The following PTPRD variants were observed in gnomAD, a reference collection of about 807,000 sequenced individuals.
The protein encoded by PTPRD is receptor-type tyrosine-protein phosphatase delta.
A neutral mutation model predicts 214.5 loss-of-function variants in PTPRD; 34 were observed. The observed-to-expected ratio is 0.16, with a 90% CI of 0.12 to 0.21. The LOEUF (loss-of-function observed/expected upper bound fraction) is 0.21, where lower values mean the gene tolerates loss of function less well. Ranked by LOEUF, PTPRD falls within the 10% of genes least tolerant of loss-of-function variation. The pLI is 1.00. For missense variants in PTPRD, 2,545 were observed against 2,398.7 expected (o/e 1.06, Z -1.27); for synonymous variants, 1,128 against 845.7 (o/e 1.33, Z -5.79).
intron 2 of PTPRD, among the ~76,000 whole-genome samples, chr9:10,520,534 G>A (rs1259676236): frequency 6.6e-6 from 1 of 152,150 alleles, no homozygotes; most frequent in Non-Finnish European, 1.5e-5. Flanking sequence ...GATACTTAAT[G>A]GAATTGGCTA....
At chr9:9,499,329 G>T (rs2096319331) in intron 8 of PTPRD, among the ~76,000 whole-genome samples, 1 of 152,058 alleles carries the variant, frequency 6.6e-6, no homozygotes. Flanking sequence ...GAAAGATCAT[G>T]AATTCTGACT....
intron 9 of PTPRD, among the ~76,000 whole-genome samples, chr9:9,313,539 ACTT>A (rs1219271282): frequency 6.6e-6 from 1 of 152,136 alleles, no homozygotes; most frequent in Non-Finnish European, 1.5e-5. Context: ...GCCTCTGTTT[ACTT>A]CTTCTTATAC....
intron 36 of PTPRD, among the ~76,000 whole-genome samples, chr9:8,396,591 T>C (rs2091236862): frequency 6.6e-6 from 1 of 152,190 alleles, no homozygotes; most frequent in Non-Finnish European, 1.5e-5. Flanking sequence ...TTTCTGATTT[T>C]ACTCTTCGAT....
rs2099662631 is a variant in PTPRD at position 9,044,347 on chromosome 9, T to TC, written c.-142-25613_-142-25612insG. ...ACATATTTGCTATGGATAGATGTGA[T>TC]TGACCACTGTGAGTGGCCCATGTTA... is the stretch of plus-strand genomic sequence containing the variant. On this transcript the variant is annotated intron_variant, in intron 10 of 45. Coordinates refer to ENST00000381196, the MANE Select transcript of PTPRD (RefSeq NM_002839.4). 3.3e-5 allele frequency among the ~76,000 whole-genome samples: 5 copies of TC among 152,324 alleles called. No individual in the cohort carries two copies. The South Asian group carries it at 1.0e-3, about 32-fold the overall frequency.
At chr9:8,894,020 C>T (rs1027375339) in intron 11 of PTPRD, among the ~76,000 whole-genome samples, 11 of 151,942 alleles carry the variant, frequency 7.2e-5, no homozygotes, top group East Asian at 1.9e-4. Context: ...AAAGCACACC[C>T]GAAGATACGC....
intron 2 of PTPRD, among the ~76,000 whole-genome samples, chr9:10,568,003 A>C (rs1279633933): frequency 6.6e-6 from 1 of 150,978 alleles, no homozygotes; most frequent in Non-Finnish European, 1.5e-5. Context: ...TTTAGGGTAC[A>C]CTTGCACAAC....
At chr9:8,494,415 T>C (rs943486595) in intron 26 of PTPRD, among the ~76,000 whole-genome samples, 2 of 152,202 alleles carry the variant, frequency 1.3e-5, no homozygotes, top group Admixed American at 6.5e-5. Context: ...TTGGAATGGT[T>C]TCCCTAACAT....
chr9:8,623,630 C>A (rs1469115587), intron 14 of PTPRD, among the ~76,000 whole-genome samples: 1 of 151,908 alleles, frequency 6.6e-6, no homozygotes, highest in Non-Finnish European at 1.5e-5. Flanking sequence ...ACTCACATTT[C>A]CTGAGTGCCT....
At chr9:8,398,789 G>C (rs1440771247) in intron 36 of PTPRD, among the ~76,000 whole-genome samples, 5 of 152,126 alleles carry the variant, frequency 3.3e-5, no homozygotes, top group Non-Finnish European at 5.9e-5. Context: ...AGAAAGCAAG[G>C]CTGCTGGCAC....
intron 2 of PTPRD, among the ~76,000 whole-genome samples, chr9:10,499,118 A>G (rs1395437548): frequency 6.6e-6 from 1 of 151,978 alleles, no homozygotes; most frequent in East Asian, 1.9e-4. Context: ...TTAATGTTAC[A>G]TTTGTTACCA....
chr9:9,937,274 G>C (rs2089868239), intron 5 of PTPRD, among the ~76,000 whole-genome samples: 1 of 150,790 alleles, frequency 6.6e-6, no homozygotes, highest in South Asian at 2.1e-4. Flanking sequence ...TACTATATTG[G>C]TCTCTTTTAT....
chr9:10,226,993 C>T (rs1373061131), intron 3 of PTPRD, among the ~76,000 whole-genome samples: 1 of 151,856 alleles, frequency 6.6e-6, no homozygotes, highest in Admixed American at 6.6e-5. Context: ...GAAATATAAA[C>T]GACGTTGGCA....
intron 3 of PTPRD, among the ~76,000 whole-genome samples, chr9:10,319,357 C>A (rs1429375620): frequency 1.3e-5 from 2 of 152,086 alleles, no homozygotes; most frequent in Non-Finnish European, 1.5e-5. Context: ...GATTTCATAT[C>A]TGAGATTCAC....
intron 3 of PTPRD, among the ~76,000 whole-genome samples, chr9:10,172,033 G>T (rs1197958870): frequency 6.6e-6 from 1 of 152,124 alleles, no homozygotes; most frequent in Non-Finnish European, 1.5e-5. Flanking sequence ...AAGTTCCAAA[G>T]ATTGGTTGGT....
intron 14 of PTPRD, among the ~76,000 whole-genome samples, chr9:8,604,445 G>A (rs1210594663): frequency 6.6e-6 from 1 of 152,154 alleles, no homozygotes; most frequent in Non-Finnish European, 1.5e-5. Flanking sequence ...TTTTTTGAGT[G>A]GAAAGTTCAG....
chr9:8,705,678 T>A (rs2098191424), intron 12 of PTPRD, among the ~76,000 whole-genome samples: 1 of 152,178 alleles, frequency 6.6e-6, no homozygotes, highest in African/African-American at 2.4e-5. Flanking sequence ...AAATAATTTA[T>A]CATATTCACA....
chr9:10,207,611 G>A (rs2099490135), intron 3 of PTPRD, among the ~76,000 whole-genome samples: 1 of 151,778 alleles, frequency 6.6e-6, no homozygotes, highest in Non-Finnish European at 1.5e-5. Flanking sequence ...AACACTACTT[G>A]ACTCAGAATG....
At chr9:9,627,335 A>G (rs1441162193) in intron 7 of PTPRD, among the ~76,000 whole-genome samples, 1 of 152,200 alleles carries the variant, frequency 6.6e-6, no homozygotes, top group Non-Finnish European at 1.5e-5. Flanking sequence ...AGAAGCAATA[A>G]CAAAGTCCAC....
At chr9:9,439,439 T>C (rs2086643377) in intron 8 of PTPRD, among the ~76,000 whole-genome samples, 1 of 152,206 alleles carries the variant, frequency 6.6e-6, no homozygotes, top group Admixed American at 6.5e-5. Flanking sequence ...TGGAATAATG[T>C]GATAAACTAT....
Sources: gnomAD v4.1 joint callset for allele counts (sites outside exome capture counted in the v4.1 genomes callset) on GRCh38, gnomAD v4.1.1 for gene constraint, MANE v1.5 for transcripts, NCBI Gene and HGNC (gene_info 2026-07-23, HGNC 2026-07-21) for gene names.